The following TACC3 variants were observed in gnomAD, a reference collection of about 807,000 sequenced individuals.
TACC3 encodes transforming acidic coiled-coil-containing protein 3.
TACC3 carries 52 observed loss-of-function variants against 86.0 expected under a neutral mutation model. The observed-to-expected ratio is 0.60, with a 90% CI of 0.48 to 0.76. The LOEUF (loss-of-function observed/expected upper bound fraction) is 0.76. Ranked by LOEUF, TACC3 falls within the 30% of genes least tolerant of loss-of-function variation. The pLI is 0.00. For missense variants in TACC3, 1,120 were observed against 1,070.4 expected (o/e 1.05, Z -0.65); for synonymous variants, 512 against 430.0 (o/e 1.19, Z -2.36).
chr4:1,730,845 T>C, intron 4 of TACC3, 42 bp from the exon 5 acceptor site: 1 of 1,468,214 alleles, frequency 6.8e-7, no homozygotes, highest in Non-Finnish European at 9.4e-7. Flanking sequence ...GCCGGGGTTA[T>C]GGGGTGGGGG....
At position 1,737,785 on chromosome 4, in the gene TACC3, C is replaced by T. The variant is rs899625066; in HGVS notation, c.1941+83C>T. Reference sequence around the variant, plus strand: ...CAACAGTGGGCAGGGGTCCAACAGCCTGACCCGCCATCCCTGCCATCCCTG... The same window carrying T: ...CAACAGTGGGCAGGGGTCCAACAGCTTGACCCGCCATCCCTGCCATCCCTG... On this transcript the variant is annotated intron_variant, in intron 10 of 15. Coordinates refer to ENST00000313288, the MANE Select transcript of TACC3 (RefSeq NM_006342.3). The T allele has an allele frequency of 4.0e-6, 5 of 1,249,610 alleles. No homozygotes were observed. The African/African-American group carries it at 7.5e-5, about 19-fold the overall frequency. The allele number at this position is 1,249,610 out of a possible 1,614,324, so 77.4% of individuals were successfully genotyped here.
rs145995704 is a variant in TACC3, at chr4:1,728,566, C to A, written c.1164C>A (p.Ser388Arg). Reference sequence around the variant, plus strand: ...AGGTGGAGGAGGACGACGGTAGGAGCGGAGCAGGAGAGGACCCCCCCATGC... The same window carrying A: ...AGGTGGAGGAGGACGACGGTAGGAGAGGAGCAGGAGAGGACCCCCCCATGC... Reference protein sequence around the residue: ...PQEVEEDDGRSGAGEDPPMPA... With the variant: ...PQEVEEDDGRRGAGEDPPMPA... Residue 388 changes from serine to arginine, a missense_variant, in exon 4 of 16, where the codon AGC becomes AGA. Transcript: ENST00000313288. The A allele has an allele frequency of 3.7e-6, 6 of 1,613,922 alleles. No homozygotes were observed. Among genetic ancestry groups the A allele is most frequent in the Non-Finnish European group, 5.1e-6 (6 of 1,179,916 alleles).
chr4:1,723,945 T>G (rs1717553653), intron 3 of TACC3, 75 bp downstream of exon 3: 1 of 1,529,824 alleles, frequency 6.5e-7, no homozygotes, highest in Non-Finnish European at 8.9e-7. Flanking sequence ...AAGTGCTGTC[T>G]TGTTCTATCA....
intron 10 of TACC3, chr4:1,738,325 A>G (rs1341475129): frequency 4.5e-6 from 1 of 222,846 alleles, no homozygotes; most frequent in East Asian, 1.2e-4. Context: ...AAGCCCCAAC[A>G]TCCACACCAG....
chr4:1,731,914 G>A (rs1011173878), intron 6 of TACC3, among the ~76,000 whole-genome samples: 3 of 152,246 alleles, frequency 2.0e-5, no homozygotes, highest in Admixed American at 6.5e-5. Context: ...GATTGCACGC[G>A]TGAGCCCCCG....
Position 1,730,070 on chromosome 4 carries a change from G to A in TACC3, c.1386-817G>A, listed in dbSNP as rs183652439. On this transcript the variant is annotated intron_variant, in intron 4 of 15. Coordinates refer to ENST00000313288, the MANE Select transcript of TACC3 (RefSeq NM_006342.3). ...TGTTTGTTTTTTGAGACAGAGTCTC[G>A]CTCTGTCACCCAGGCTGGAGCGCAG... is the stretch of plus-strand genomic sequence containing the variant. Among the ~76,000 whole-genome samples, 28 of 151,754 alleles carry A rather than the reference G, an allele frequency of 1.8e-4. No individual in the cohort carries two copies. In the East Asian group the frequency reaches 5.0e-3, roughly 27 times the overall value.
At chr4:1,729,617 T>G (rs1698635240) in intron 4 of TACC3, among the ~76,000 whole-genome samples, 1 of 152,202 alleles carries the variant, frequency 6.6e-6, no homozygotes, top group South Asian at 2.1e-4. Flanking sequence ...GCACTTTGAC[T>G]AATTCTGCTA....
chr4:1,726,776 G>A (rs1480773857), intron 3 of TACC3, among the ~76,000 whole-genome samples: 2 of 152,168 alleles, frequency 1.3e-5, no homozygotes, highest in African/African-American at 2.4e-5. Context: ...CTTGTCTATC[G>A]GGGAGTAGGG....
In TACC3 at chr4:1,739,687, G is replaced by A. The variant is rs1234193581; in HGVS notation, c.1942-15G>A. 1 of 1,568,924 alleles carries A rather than the reference G, an allele frequency of 6.4e-7. No individual in the cohort carries two copies. The highest frequency in any genetic ancestry group is 8.6e-7 in the Non-Finnish European group (1 of 1,158,372). ...CTGGCCCGCCTGCCTGCTGACTTGGGTGTGGCCTGAGCAGGTAAAGGCGAC... is the reference window on the plus strand; with the variant it reads ...CTGGCCCGCCTGCCTGCTGACTTGGATGTGGCCTGAGCAGGTAAAGGCGAC... On this transcript the variant is annotated splice_polypyrimidine_tract_variant and intron_variant, in intron 10 of 15. Coordinates refer to ENST00000313288, the MANE Select transcript of TACC3 (RefSeq NM_006342.3).
rs368220060 is a variant in TACC3 at position 1,740,455 on chromosome 4, C to T, written c.2063-371C>T. On this transcript the variant is annotated intron_variant, in intron 12 of 15. Transcript: ENST00000313288. The stretch of plus-strand genomic sequence containing the variant: ...CTGTCTTAGGCTGAGTGTCAGCCGG[C>T]GGCAGGTGACCGCCTGGCCCTTGCA... 4.0e-3 allele frequency: 1,213 copies of T among 300,428 alleles called. 14 individuals are homozygous for T. The highest frequency in any genetic ancestry group is 0.023 in the African/African-American group (1,086 of 46,334). The allele number at this position is 300,428 out of a possible 1,614,324, so 18.6% of individuals were successfully genotyped here.
chr4:1,730,716 G>C lies in TACC3; in HGVS notation c.1386-171G>C, dbSNP rs759690696. 3.1e-5 allele frequency: 25 copies of C among 801,472 alleles called. No individual in the cohort carries two copies. The East Asian group carries it at 4.3e-4, about 14-fold the overall frequency. 49.6% of individuals were successfully genotyped at this position (801,472 alleles called of 1,614,324 possible). On this transcript the variant is annotated intron_variant, in intron 4 of 15. Coordinates refer to ENST00000313288, the MANE Select transcript of TACC3 (RefSeq NM_006342.3). ...CCTGCTGGGTGAGGTTGGTGAGGCA[G>C]TTTTGTGGCCAGGTCGCTTGGGACA...
At chr4:1,720,916 T>C (rs1016233695), upstream of TACC3, 10 of 1,209,050 alleles carry the variant, frequency 8.3e-6, no homozygotes, top group African/African-American at 1.6e-5. The surrounding 1 kb of genome is among the most constrained non-coding windows in gnomAD (Gnocchi z 4.4). Context: ...GTCCCGGACC[T>C]GTCGGTTGCG....
rs569412375 is a variant in TACC3 at position 1,744,934 on chromosome 4, T to C, written c.2452-14T>C. On this transcript the variant is annotated splice_polypyrimidine_tract_variant and intron_variant, in intron 15 of 15. Coordinates refer to ENST00000313288, the MANE Select transcript of TACC3 (RefSeq NM_006342.3). ...AAGCAGGGAGAAGCCCCGCAACTCATCTTCCTCCTCCAGACTAAAGAGAAC... is the reference window on the plus strand; with the variant it reads ...AAGCAGGGAGAAGCCCCGCAACTCACCTTCCTCCTCCAGACTAAAGAGAAC... 70 of 1,611,946 alleles carry C rather than the reference T, an allele frequency of 4.3e-5. No homozygotes were observed. Among genetic ancestry groups the C allele is most frequent in the Non-Finnish European group, 5.0e-5 (59 of 1,179,608 alleles).
intron 8 of TACC3, among the ~76,000 whole-genome samples, chr4:1,736,261 T>C (rs1718257096): frequency 6.6e-6 from 1 of 151,578 alleles, no homozygotes; most frequent in Admixed American, 6.6e-5. Context: ...CCGTCTCTAC[T>C]AAAATACAAA....
chr4:1,734,448 A>T (rs564063151), intron 6 of TACC3, among the ~76,000 whole-genome samples: 1 of 152,198 alleles, frequency 6.6e-6, no homozygotes, highest in African/African-American at 2.4e-5. Context: ...TTGGCCTCCC[A>T]AAGTGCTGGG....
At chr4:1,730,608 T>C (rs1717956589) in intron 4 of TACC3, 3 of 589,072 alleles carry the variant, frequency 5.1e-6, no homozygotes, top group East Asian at 3.7e-5. Flanking sequence ...TACTCATCCT[T>C]GTGATTCCCT....
intron 12 of TACC3, 168 bp downstream of exon 12, chr4:1,740,170 C>T (rs922374432): frequency 1.2e-5 from 8 of 668,072 alleles, no homozygotes; most frequent in African/African-American, 5.4e-5. Context: ...AGGCGAGTTG[C>T]GGGGAAGCTG....
intron 2 of TACC3, 54 bp downstream of exon 2, chr4:1,723,637 T>C: frequency 3.7e-6 from 6 of 1,609,192 alleles, no homozygotes; most frequent in Non-Finnish European, 5.1e-6. Context: ...GGGCCTGCTT[T>C]CTTGGTGACC....
rs200068668 is a variant in TACC3, at chr4:1,728,117, G to A, written c.715G>A (p.Gly239Ser). The A allele has an allele frequency of 3.8e-5, 61 of 1,612,232 alleles. No homozygotes were observed. Among genetic ancestry groups the A allele is most frequent in the Middle Eastern group, 1.6e-4 (1 of 6,082 alleles). ...CGGAGCCGAGGAGGAATGCCGGCAC[G>A]GTGGGGTCTGTGCTCCCGCAGCAGT... ...PHGAEEECRHGGVCAPAAVAT... is the reference protein window; with the variant it reads ...PHGAEEECRHSGVCAPAAVAT... The change falls in exon 4 of 16, where the codon GGT becomes AGT. Residue 239 changes from glycine (G) to serine (S), a missense_variant. Transcript: ENST00000313288.
Sources: gnomAD v4.1 joint callset for allele counts (sites outside exome capture counted in the v4.1 genomes callset) on GRCh38, gnomAD v4.1.1 for gene constraint, Gnocchi (gnomAD v3.1) non-coding constraint, MANE v1.5 for transcripts, NCBI Gene and HGNC (gene_info 2026-07-23, HGNC 2026-07-21) for gene names.